The following ANKIB1 variants were observed in gnomAD, a reference collection of about 807,000 sequenced individuals.
ANKIB1 encodes ankyrin repeat and IBR domain-containing protein 1.
In ANKIB1, 43 loss-of-function variants were observed where a neutral mutation model predicts 122.1. The observed-to-expected ratio is 0.35, with a 90% CI of 0.28 to 0.45. ANKIB1 has a LOEUF of 0.45. ANKIB1 is among the 20% of genes least tolerant of loss of function. ANKIB1 has a pLI of 1.00. For synonymous variants in ANKIB1, 390 were observed against 442.0 expected (o/e 0.88, Z 1.48); for missense variants, 992 against 1,329.5 (o/e 0.75, Z 3.95).
intron 1 of ANKIB1, among the ~76,000 whole-genome samples, chr7:92,276,009 G>A (rs999389213): frequency 6.6e-6 from 1 of 151,826 alleles, no homozygotes; most frequent in African/African-American, 2.4e-5. Context: ...CTTTGTGTGT[G>A]GTATATCTAC....
At chr7:92,275,595 C>T (rs1287352779) in intron 1 of ANKIB1, among the ~76,000 whole-genome samples, 1 of 152,078 alleles carries the variant, frequency 6.6e-6, no homozygotes, top group East Asian at 1.9e-4. Flanking sequence ...AAGAAGAAGA[C>T]AGGAGGTGTA....
At chr7:92,348,207 T>G (rs1303513324) in intron 7 of ANKIB1, among the ~76,000 whole-genome samples, 2 of 152,124 alleles carry the variant, frequency 1.3e-5, no homozygotes, top group Non-Finnish European at 2.9e-5. Context: ...TCTGATATAT[T>G]TAAAATATGT....
At chr7:92,250,262 A>G (rs1412571230) in intron 1 of ANKIB1, among the ~76,000 whole-genome samples, 1 of 152,024 alleles carries the variant, frequency 6.6e-6, no homozygotes, top group Non-Finnish European at 1.5e-5. Context: ...GCGTGGTGGC[A>G]CATGCCTGTA....
intron 1 of ANKIB1, among the ~76,000 whole-genome samples, chr7:92,247,756 T>C (rs1801200860): frequency 6.6e-6 from 1 of 152,234 alleles, no homozygotes; most frequent in South Asian, 2.1e-4. Context: ...AATTTAAGAA[T>C]AATTTTACTG....
chr7:92,354,180 G>A (rs572954112), intron 9 of ANKIB1, among the ~76,000 whole-genome samples: 21 of 152,182 alleles, frequency 1.4e-4, no homozygotes, highest in Non-Finnish European at 2.5e-4. Flanking sequence ...GAAAGCTAAT[G>A]GAAAAAACCT....
At chr7:92,298,797 C>T (rs746420264) in intron 2 of ANKIB1, among the ~76,000 whole-genome samples, 1 of 149,416 alleles carries the variant, frequency 6.7e-6, no homozygotes, top group Non-Finnish European at 1.5e-5. Context: ...AAGCAGTTTC[C>T]CCTAAAAAAA....
rs374878757 is a variant in ANKIB1 at position 92,327,863 on chromosome 7, T to C, written c.750T>C (p.Ala250=). Residue 250 remains alanine, a synonymous_variant, in exon 5 of 20, where the codon GCT becomes GCC. Coordinates refer to ENST00000265742, the MANE Select transcript of ANKIB1 (RefSeq NM_019004.2). ...LIVETADMLQ[A]PLFTAEALLR... is the part of the protein sequence containing the mutation. ...TGGAAACTGCAGACATGCTTCAGGC[T>C]CCTCTCTTTACTGCTGAAGCTTTAC... is the stretch of plus-strand genomic sequence containing the variant. The C allele has an allele frequency of 6.9e-6, 11 of 1,595,148 alleles. No individual in the cohort carries two copies. The highest frequency in any genetic ancestry group is 1.2e-5 in the South Asian group (1 of 86,476).
intron 11 of ANKIB1, among the ~76,000 whole-genome samples, chr7:92,384,054 A>T (rs946775647): frequency 3.9e-5 from 6 of 152,240 alleles, no homozygotes; most frequent in African/African-American, 1.4e-4. Context: ...CAAGATACAA[A>T]ATCAATGTGC....
intron 1 of ANKIB1, among the ~76,000 whole-genome samples, chr7:92,267,989 T>G (rs541407409): frequency 2.6e-5 from 4 of 152,310 alleles, no homozygotes; most frequent in African/African-American, 9.6e-5. Context: ...ATGTGTACTT[T>G]CGTTGTGATA....
At position 92,360,861 on chromosome 7, in the gene ANKIB1, C is replaced by CT. The variant is rs1446931029; in HGVS notation, c.1398-1316dup. On this transcript the variant is annotated intron_variant, in intron 9 of 19. Coordinates refer to ENST00000265742, the MANE Select transcript of ANKIB1 (RefSeq NM_019004.2). Reference sequence around the variant, plus strand: ...TGGTGTGTCTTCTTAACACACATAACTTTTTTTTATTTTTTTTCCTCGAAA... The same window carrying CT: ...TGGTGTGTCTTCTTAACACACATAACTTTTTTTTTATTTTTTTTCCTCGAAA... Among the ~76,000 whole-genome samples the CT allele has an allele frequency of 5.3e-5, 8 of 152,008 alleles. No individual in the cohort carries two copies. The East Asian group carries it at 1.5e-3, about 29-fold the overall frequency.
At chr7:92,282,048 A>G (rs900639826) in intron 1 of ANKIB1, among the ~76,000 whole-genome samples, 7 of 152,212 alleles carry the variant, frequency 4.6e-5, no homozygotes, top group South Asian at 4.1e-4. Context: ...AAACTTCGAT[A>G]CATAGTGTGT....
At chr7:92,264,847 CAT>C (rs140440454) in intron 1 of ANKIB1, among the ~76,000 whole-genome samples, 3,357 of 152,250 alleles carry the variant, frequency 0.022, 58 homozygotes, top group Middle Eastern at 0.038. Context: ...AAACACTAAA[CAT>C]ATAAATACAT....
In ANKIB1 at chr7:92,398,922, C is replaced by G; in HGVS notation, c.3243C>G (p.Asp1081Glu). The change falls in exon 20 of 20, where the codon GAC becomes GAG. Residue 1081 changes from aspartate (D) to glutamate (E), a missense_variant. Coordinates refer to ENST00000265742, the MANE Select transcript of ANKIB1 (RefSeq NM_019004.2). Reference sequence around the variant, plus strand: ...GTCAAACACCTCAAACCTCAAGTGACTGGCTTGAACAAGTACATTTAGTGT... The same window carrying G: ...GTCAAACACCTCAAACCTCAAGTGAGTGGCTTGAACAAGTACATTTAGTGT... ...VSSQTPQTSS[D>E]WLEQVHLV is the part of the protein sequence containing the mutation. The G allele has an allele frequency of 6.3e-7, 1 of 1,588,210 alleles. No individual in the cohort carries two copies. Among genetic ancestry groups the G allele is most frequent in the Non-Finnish European group, 8.6e-7 (1 of 1,167,322 alleles).
At chr7:92,337,460 C>A (rs972640983) in intron 5 of ANKIB1, among the ~76,000 whole-genome samples, 1 of 151,956 alleles carries the variant, frequency 6.6e-6, no homozygotes, top group African/African-American at 2.4e-5. Flanking sequence ...AATGATAATA[C>A]TGATTTTCTT....
chr7:92,390,212 G>T, intron 15 of ANKIB1, 96 bp downstream of exon 15: 1 of 883,018 alleles, frequency 1.1e-6, no homozygotes, highest in African/African-American at 1.8e-5. Flanking sequence ...ATGTGGACAT[G>T]ATTACTAAAA....
intron 7 of ANKIB1, among the ~76,000 whole-genome samples, chr7:92,350,072 A>G (rs1475707889): frequency 6.6e-6 from 1 of 151,928 alleles, no homozygotes; most frequent in African/African-American, 2.4e-5. Context: ...ACCTTGGGCT[A>G]GATTCTTGAT....
At chr7:92,350,314 A>G (rs939944349) in intron 7 of ANKIB1, among the ~76,000 whole-genome samples, 8 of 152,140 alleles carry the variant, frequency 5.3e-5, no homozygotes, top group Admixed American at 5.2e-4. Flanking sequence ...ATTGAATATG[A>G]CCTTTCTGAG....
intron 2 of ANKIB1, among the ~76,000 whole-genome samples, chr7:92,304,268 A>C (rs1048124305): frequency 1.3e-5 from 2 of 152,206 alleles, no homozygotes; most frequent in Non-Finnish European, 2.9e-5. Flanking sequence ...ATATTTATGC[A>C]GATATGCTAC....
At chr7:92,277,086 C>T (rs548915187) in intron 1 of ANKIB1, among the ~76,000 whole-genome samples, 2 of 152,184 alleles carry the variant, frequency 1.3e-5, no homozygotes, top group South Asian at 4.1e-4. Context: ...GTGTCTGCTC[C>T]TCCTTTCCCT....
Sources: gnomAD v4.1 joint callset for allele counts (sites outside exome capture counted in the v4.1 genomes callset) on GRCh38, gnomAD v4.1.1 for gene constraint, MANE v1.5 for transcripts, NCBI Gene and HGNC (gene_info 2026-07-23, HGNC 2026-07-21) for gene names.